The following SLC35F3 variants were observed in gnomAD, a reference collection of about 807,000 sequenced individuals.
SLC35F3 encodes solute carrier family 35 member F3.
SLC35F3 carries 25 observed loss-of-function variants against 49.9 expected under a neutral mutation model. The ratio of observed to expected loss-of-function variants is 0.50; its 90% CI spans 0.37 to 0.70. The LOEUF (loss-of-function observed/expected upper bound fraction) is 0.70. SLC35F3 is among the 30% of genes least tolerant of loss of function. The pLI, the probability that SLC35F3 is intolerant of heterozygous loss-of-function variation, is 0.00. For missense variants in SLC35F3, 525 were observed against 639.8 expected, an observed-to-expected ratio of 0.82 and a Z score of 1.94; for synonymous variants, 275 against 265.4, an observed-to-expected ratio of 1.04 and a Z score of -0.35.
At chr1:234,125,286 G>A (rs1180825168) in intron 2 of SLC35F3, among the ~76,000 whole-genome samples, 4 of 151,842 alleles carry the variant, frequency 2.6e-5, no homozygotes, top group Non-Finnish European at 5.9e-5. Flanking sequence ...AACGACCCCC[G>A]AATCTCAACA....
At position 233,928,702 on chromosome 1, in the gene SLC35F3, C is replaced by T. The variant is rs188970428; in HGVS notation, c.283+22944C>T. Among the ~76,000 whole-genome samples the T allele has an allele frequency of 2.1e-3, 320 of 152,244 alleles. 3 individuals carry two copies. Among genetic ancestry groups the T allele is most frequent in the Non-Finnish European group, 4.0e-3 (271 of 68,014 alleles). On this transcript the variant is annotated intron_variant, in intron 2 of 7. Transcript: ENST00000366618. ...AGATTATTATTGTTGAAAGTCTTGACTTACAAAAGGAATCTTATGAAAGGG... is the reference window on the plus strand; with the variant it reads ...AGATTATTATTGTTGAAAGTCTTGATTTACAAAAGGAATCTTATGAAAGGG...
At chr1:234,261,535 G>A (rs1296826799) in intron 3 of SLC35F3, among the ~76,000 whole-genome samples, 1 of 152,186 alleles carries the variant, frequency 6.6e-6, no homozygotes, top group Admixed American at 6.5e-5. Flanking sequence ...CAGTGAGGAT[G>A]ATCAGCTGTC....
chr1:234,192,728 T>A (rs1474843497), intron 2 of SLC35F3, among the ~76,000 whole-genome samples: 2 of 132,336 alleles, frequency 1.5e-5, no homozygotes, highest in African/African-American at 8.7e-5. Flanking sequence ...CTAGAACTGT[T>A]AAATAAATTC....
At chr1:234,029,852 ACT>A (rs1447192858) in intron 2 of SLC35F3, among the ~76,000 whole-genome samples, 1 of 151,904 alleles carries the variant, frequency 6.6e-6, no homozygotes. Context: ...ATAGAGAGAG[ACT>A]CTGTCTCAAA....
At chr1:233,951,337 G>A (rs992790110) in intron 2 of SLC35F3, among the ~76,000 whole-genome samples, 7 of 151,910 alleles carry the variant, frequency 4.6e-5, no homozygotes, top group Non-Finnish European at 8.8e-5. Flanking sequence ...GTAGTGTACA[G>A]TAATGTTCTA....
chr1:234,244,495 A>G (rs900959805), intron 3 of SLC35F3, among the ~76,000 whole-genome samples: 24 of 152,326 alleles, frequency 1.6e-4, no homozygotes, highest in African/African-American at 5.5e-4. Context: ...CAATGCAGGA[A>G]TCATTTCCCT....
At chr1:234,322,318 T>G (rs187681528) in intron 7 of SLC35F3, among the ~76,000 whole-genome samples, 4 of 152,340 alleles carry the variant, frequency 2.6e-5, no homozygotes, top group African/African-American at 9.6e-5. Flanking sequence ...AATGGGGTAC[T>G]GTTGACCAGA....
intron 2 of SLC35F3, among the ~76,000 whole-genome samples, chr1:234,222,291 T>A (rs1323678568): frequency 6.6e-6 from 1 of 152,172 alleles, no homozygotes; most frequent in African/African-American, 2.4e-5. Flanking sequence ...CCATTGTTGG[T>A]TCAGAATGTC....
chr1:234,215,496 C>G (rs1667108381), intron 2 of SLC35F3, among the ~76,000 whole-genome samples: 1 of 152,200 alleles, frequency 6.6e-6, no homozygotes, highest in Non-Finnish European at 1.5e-5. Context: ...GGCAGACAGA[C>G]CATCCCCTGG....
intron 2 of SLC35F3, among the ~76,000 whole-genome samples, chr1:234,019,366 A>G (rs1372192547): frequency 6.9e-6 from 1 of 143,998 alleles, no homozygotes; most frequent in African/African-American, 2.8e-5. Context: ...TGTGTGTGTA[A>G]TGAGAGAGAG....
chr1:234,015,622 A>G (rs370810799), intron 2 of SLC35F3, among the ~76,000 whole-genome samples: 1 of 152,200 alleles, frequency 6.6e-6, no homozygotes, highest in Non-Finnish European at 1.5e-5. Flanking sequence ...GAAGAATGAA[A>G]TTGGACCCTC....
At chr1:234,217,171 G>A (rs1354166911) in intron 2 of SLC35F3, among the ~76,000 whole-genome samples, 3 of 152,210 alleles carry the variant, frequency 2.0e-5, no homozygotes, top group African/African-American at 7.2e-5. Context: ...ATATTTATTA[G>A]CTTGCAGAGT....
At chr1:234,276,623 G>T (rs12040979) in intron 3 of SLC35F3, among the ~76,000 whole-genome samples, 9,188 of 151,914 alleles carry the variant, frequency 0.06, 332 homozygotes, top group African/African-American at 0.099. Flanking sequence ...AAGACATAAC[G>T]GGTAATTAAC....
At chr1:233,929,831 G>A (rs1346265542) in intron 2 of SLC35F3, among the ~76,000 whole-genome samples, 1 of 152,142 alleles carries the variant, frequency 6.6e-6, no homozygotes, top group African/African-American at 2.4e-5. Flanking sequence ...GACAACTACA[G>A]GGATTAGAAT....
intron 3 of SLC35F3, among the ~76,000 whole-genome samples, chr1:234,247,077 A>G (rs1667643500): frequency 6.6e-6 from 1 of 152,232 alleles, no homozygotes. Flanking sequence ...GTGTGAAACC[A>G]AACAGGTGGG....
At chr1:234,061,255 G>A (rs1664534739) in intron 2 of SLC35F3, among the ~76,000 whole-genome samples, 2 of 151,948 alleles carry the variant, frequency 1.3e-5, no homozygotes, top group South Asian at 2.1e-4. Flanking sequence ...AGGATTCTCT[G>A]TTGACAGGTT....
At chr1:234,032,370 TA>T (rs957793429) in intron 2 of SLC35F3, among the ~76,000 whole-genome samples, 62 of 151,484 alleles carry the variant, frequency 4.1e-4, no homozygotes, top group South Asian at 3.8e-3. Context: ...TTTTTTCTTT[TA>T]AAAAAAAATT....
At chr1:233,915,485 G>A (rs1330257457) in intron 2 of SLC35F3, among the ~76,000 whole-genome samples, 1 of 152,186 alleles carries the variant, frequency 6.6e-6, no homozygotes, top group Non-Finnish European at 1.5e-5. Context: ...TCTCAAGGCT[G>A]CAGTGACGTA....
At position 234,104,259 on chromosome 1, in the gene SLC35F3, A is replaced by AT. The variant is rs1425105466; in HGVS notation, c.284-127157dup. Among the ~76,000 whole-genome samples, 4 of 152,338 alleles carry AT rather than the reference A, an allele frequency of 2.6e-5. 1 individual carries two copies. The South Asian group carries it at 6.2e-4, about 24-fold the overall frequency. ...CCTACAATAACTTGGAAAGCAGATA[A>AT]TGTCACTAAAGTGTCTATAGCTTCA... is the stretch of plus-strand genomic sequence containing the variant. On this transcript the variant is annotated intron_variant, in intron 2 of 7. Coordinates refer to ENST00000366618, the MANE Select transcript of SLC35F3 (RefSeq NM_173508.4).
Sources: gnomAD v4.1 joint callset for allele counts (sites outside exome capture counted in the v4.1 genomes callset) on GRCh38, gnomAD v4.1.1 for gene constraint, MANE v1.5 for transcripts, NCBI Gene and HGNC (gene_info 2026-07-23, HGNC 2026-07-21) for gene names.